ZCCHC17: variants seen among roughly 807,000 people sequenced by gnomAD.
ZCCHC17 encodes the protein zinc finger CCHC-type containing 17.
In ZCCHC17, 18 loss-of-function variants were observed where a neutral mutation model predicts 30.6. The observed-to-expected ratio is 0.59, with a 90% CI of 0.41 to 0.87. The LOEUF is 0.87. Ranked by LOEUF, ZCCHC17 falls within the 40% of genes least tolerant of loss-of-function variation. The pLI, the probability that ZCCHC17 is intolerant of heterozygous loss-of-function variation, is 0.00. For synonymous variants in ZCCHC17, 88 were observed against 92.4 expected (o/e 0.95, Z 0.27); for missense variants, 263 against 284.2 (o/e 0.93, Z 0.54).
chr1:31,301,993 C>T (rs985687609), intron 1 of ZCCHC17, among the ~76,000 whole-genome samples: 3 of 152,036 alleles, frequency 2.0e-5, no homozygotes, highest in African/African-American at 4.8e-5. Context: ...TTTGGGAGGC[C>T]GAGGCGAGCA....
intron 2 of ZCCHC17, among the ~76,000 whole-genome samples, chr1:31,313,804 C>T (rs1477921091): frequency 7.2e-5 from 11 of 152,060 alleles, no homozygotes; most frequent in Non-Finnish European, 1.3e-4. Context: ...CAGAATAACT[C>T]GGATTTCTAA....
chr1:31,352,890 T>C (rs962142153), intron 7 of ZCCHC17, among the ~76,000 whole-genome samples: 1 of 152,260 alleles, frequency 6.6e-6, no homozygotes, highest in Non-Finnish European at 1.5e-5. Context: ...TCTTTCTTTT[T>C]GGTATATACC....
At chr1:31,363,399 G>T (rs1640000767) in intron 7 of ZCCHC17, among the ~76,000 whole-genome samples, 1 of 152,114 alleles carries the variant, frequency 6.6e-6, no homozygotes, top group African/African-American at 2.4e-5. Context: ...TAGCCAGGAT[G>T]GTCTCGATCT....
intron 1 of ZCCHC17, among the ~76,000 whole-genome samples, chr1:31,307,539 G>T (rs1569748572): frequency 1.3e-5 from 2 of 151,072 alleles, no homozygotes; most frequent in South Asian, 2.1e-4. Flanking sequence ...GAGTAGCTGG[G>T]ATTACAGGCG....
At chr1:31,344,734 T>TCA in intron 5 of ZCCHC17, among the ~76,000 whole-genome samples, 1 of 152,228 alleles carries the variant, frequency 6.6e-6, no homozygotes, top group Non-Finnish European at 1.5e-5. Flanking sequence ...TCATGGGGGT[T>TCA]GCTTAAGCTG....
In ZCCHC17 at chr1:31,327,384, G is replaced by T. The variant is rs995990069; in HGVS notation, c.124+8218G>T. Among the ~76,000 whole-genome samples, 3 of 152,236 alleles carry T rather than the reference G, an allele frequency of 2.0e-5. No individual in the cohort carries two copies. In the East Asian group the frequency reaches 5.8e-4, roughly 29 times the overall value. ...CCTACTTAGGTTTGAGACTTTGCCA[G>T]AATGGCTTACAGAAGTCAGGAAAAC... is the stretch of plus-strand genomic sequence containing the variant. On this transcript the variant is annotated intron_variant, in intron 3 of 7. Transcript: ENST00000344147.
chr1:31,322,738 T>C lies in ZCCHC17; in HGVS notation c.124+3572T>C, dbSNP rs911006190. Among the ~76,000 whole-genome samples, 9 of 151,982 alleles carry C rather than the reference T, an allele frequency of 5.9e-5. No homozygotes were observed. In the East Asian group the frequency reaches 1.7e-3, roughly 29 times the overall value. On this transcript the variant is annotated intron_variant, in intron 3 of 7. Coordinates refer to ENST00000344147, the MANE Select transcript of ZCCHC17 (RefSeq NM_016505.4). ...GGGCTGAAATTTCTTTTTTTTTTTT[T>C]TGAGAGGGAATCTAGCTCTGTTGCC... is the stretch of plus-strand genomic sequence containing the variant.
chr1:31,315,078 G>T (rs1557430724), intron 2 of ZCCHC17, among the ~76,000 whole-genome samples: 1 of 152,140 alleles, frequency 6.6e-6, no homozygotes. Context: ...GGTCTGTCTT[G>T]TATTATTATT....
intron 3 of ZCCHC17, among the ~76,000 whole-genome samples, chr1:31,324,460 G>A (rs887664530): frequency 1.2e-4 from 18 of 152,178 alleles, no homozygotes; most frequent in African/African-American, 1.7e-4. Flanking sequence ...TGCAGCTGCC[G>A]CCACCCAGCC....
intron 7 of ZCCHC17, among the ~76,000 whole-genome samples, chr1:31,358,901 A>G (rs1423403347): frequency 6.6e-6 from 1 of 152,168 alleles, no homozygotes; most frequent in Non-Finnish European, 1.5e-5. Flanking sequence ...GAAGAGACTG[A>G]GCCCCAGAGT....
At chr1:31,347,293 C>G (rs1639311063) in intron 6 of ZCCHC17, among the ~76,000 whole-genome samples, 1 of 152,186 alleles carries the variant, frequency 6.6e-6, no homozygotes, top group Non-Finnish European at 1.5e-5. Flanking sequence ...AGCCTGATCC[C>G]TAGTTGGAGC....
At chr1:31,310,857 C>A (rs776009654) in intron 2 of ZCCHC17, among the ~76,000 whole-genome samples, 1 of 152,200 alleles carries the variant, frequency 6.6e-6, no homozygotes. Context: ...CTGGCCATCA[C>A]CCTTGATTTC....
At chr1:31,299,162 C>T (rs1015117227) in intron 1 of ZCCHC17, among the ~76,000 whole-genome samples, 10 of 152,098 alleles carry the variant, frequency 6.6e-5, no homozygotes, top group Middle Eastern at 3.4e-3. Flanking sequence ...TTTCATAGAT[C>T]TGATTGTAAA....
intron 7 of ZCCHC17, among the ~76,000 whole-genome samples, chr1:31,363,064 T>C (rs897467404): frequency 1.3e-5 from 2 of 152,324 alleles, no homozygotes; most frequent in East Asian, 3.9e-4. Flanking sequence ...CATGTATATG[T>C]TATACGCACT....
At chr1:31,326,806 CT>C (rs1158413980) in intron 3 of ZCCHC17, among the ~76,000 whole-genome samples, 1 of 152,188 alleles carries the variant, frequency 6.6e-6, no homozygotes, top group African/African-American at 2.4e-5. Flanking sequence ...ATCCTGAGAT[CT>C]ATAGGTTTAT....
At chr1:31,345,546 TTATATATATATATATAATATAA>T (rs1285609012) in intron 5 of ZCCHC17, among the ~76,000 whole-genome samples, 5 of 109,252 alleles carry the variant, frequency 4.6e-5, no homozygotes, top group Admixed American at 4.3e-4. Flanking sequence ...TGACAGACAT[TTATATATATATATATAATATAA>T]TATATATATA....
At chr1:31,342,151 T>G (rs970316897) in intron 5 of ZCCHC17, among the ~76,000 whole-genome samples, 5 of 152,142 alleles carry the variant, frequency 3.3e-5, no homozygotes, top group African/African-American at 1.2e-4. Flanking sequence ...TTCAAGCAAT[T>G]CTCATTCCTC....
At chr1:31,339,847 C>T (rs569640045) in intron 5 of ZCCHC17, among the ~76,000 whole-genome samples, 7 of 151,806 alleles carry the variant, frequency 4.6e-5, no homozygotes, top group African/African-American at 1.7e-4. Context: ...AAAACAACAT[C>T]TTACTTTCGT....
In ZCCHC17 at chr1:31,348,981, G is replaced by A. The variant is rs375400852; in HGVS notation, c.564+7G>A. On this transcript the variant is annotated splice_region_variant and intron_variant, in intron 7 of 7. Transcript: ENST00000344147. ...TTCTAGAAAAAGAAAGAAGGTGAAT[G>A]CTACTTTGCTTTTATTTTATCATGT... 25 of 1,560,246 alleles carry A rather than the reference G, an allele frequency of 1.6e-5. No individual in the cohort carries two copies. Among genetic ancestry groups the A allele is most frequent in the Non-Finnish European group, 6.9e-6 (8 of 1,160,794 alleles).
Sources: gnomAD v4.1 joint callset for allele counts (sites outside exome capture counted in the v4.1 genomes callset) on GRCh38, gnomAD v4.1.1 for gene constraint, MANE v1.5 for transcripts, NCBI Gene and HGNC (gene_info 2026-07-23, HGNC 2026-07-21) for gene names.